Variants in GGA2 observed in about 807,000 individuals in gnomAD.
GGA2 encodes the protein golgi associated, gamma adaptin ear containing, ARF binding protein 2.
Under a neutral mutation model 79.5 loss-of-function variants are expected in GGA2, and 48 were observed. The ratio of observed to expected loss-of-function variants is 0.60; its 90% CI spans 0.48 to 0.77. GGA2 has a LOEUF of 0.77. GGA2 is among the 30% of genes least tolerant of loss of function. The probability of loss-of-function intolerance (pLI) is 0.00; values close to 1 mark genes in which losing one functional copy is unlikely to be tolerated. For synonymous variants in GGA2, 317 were observed against 302.0 expected, an observed-to-expected ratio of 1.05 and a Z score of -0.51; for missense variants, 770 against 774.0, an observed-to-expected ratio of 0.99 and a Z score of 0.06.
At position 23,493,512 on chromosome 16, in the gene GGA2, C is replaced by A. The variant is rs189780538; in HGVS notation, c.253-54G>T. The A allele has an allele frequency of 7.1e-6, 8 of 1,129,620 alleles. No individual in the cohort carries two copies. In the Admixed American group the frequency reaches 1.2e-4, roughly 17 times the overall value. The allele number at this position is 1,129,620 out of a possible 1,614,324, so 70.0% of individuals were successfully genotyped here. On this transcript the variant is annotated intron_variant, in intron 3 of 16. Coordinates refer to ENST00000309859, the MANE Select transcript of GGA2 (RefSeq NM_015044.4). ...GGTGGAAAGCCAGTGGTCCCAGGCT[C>A]CCCTCCAGGCTGGTAATCACTTGCT...
chr16:23,481,404 T>C (rs1964646603), intron 9 of GGA2, among the ~76,000 whole-genome samples: 2 of 151,922 alleles, frequency 1.3e-5, no homozygotes, highest in Non-Finnish European at 2.9e-5. Flanking sequence ...AAACAGAACA[T>C]GAGCAGCATC....
intron 11 of GGA2, 55 bp downstream of exon 11, chr16:23,479,709 TC>T: frequency 6.2e-7 from 1 of 1,600,644 alleles, no homozygotes; most frequent in Non-Finnish European, 8.5e-7. Context: ...GGGAACCAGC[TC>T]ACTCCCCTAC....
At chr16:23,521,896 G>A (rs372037685) in exon 1 of GGA2, 20 of 452,422 alleles carry the variant, frequency 4.4e-5, no homozygotes, top group East Asian at 3.5e-4. Flanking sequence ...CTCTGGATCG[G>A]CACAGATCTG....
upstream of GGA2, among the ~76,000 whole-genome samples, chr16:23,514,144 C>T (rs939243071): frequency 1.3e-5 from 2 of 151,744 alleles, no homozygotes; most frequent in African/African-American, 4.8e-5. Context: ...GAAGTCCTGT[C>T]GCCCAGGCTG....
intron 10 of GGA2, 32 bp from the exon 11 acceptor site, chr16:23,479,919 G>A (rs1964626901): frequency 6.2e-7 from 1 of 1,611,476 alleles, no homozygotes; most frequent in African/African-American, 1.3e-5. Context: ...AGAGAAGTCA[G>A]TTGGACATGA....
intron 5 of GGA2, among the ~76,000 whole-genome samples, chr16:23,491,288 C>G (rs893284589): frequency 1.7e-5 from 2 of 116,444 alleles, no homozygotes; most frequent in Non-Finnish European, 3.3e-5. Context: ...GCCTAGGTAA[C>G]AGGGCAACAC....
chr16:23,478,225 C>CAAAA (rs111229895), intron 13 of GGA2, 143 bp downstream of exon 13: 18 of 470,688 alleles, frequency 3.8e-5, no homozygotes, highest in Admixed American at 8.0e-5. Context: ...GAAAAAAAGA[C>CAAAA]AAAAAAAAAA....
Position 23,464,965 on chromosome 16 carries a change from G to A in GGA2, c.*2625C>T. 1 of 246,294 alleles carries A rather than the reference G, an allele frequency of 4.1e-6. No individual in the cohort carries two copies. Among genetic ancestry groups the A allele is most frequent in the Non-Finnish European group, 8.0e-6 (1 of 125,396 alleles). The allele number at this position is 246,294 out of a possible 1,614,324, so 15.3% of individuals were successfully genotyped here. On this transcript the variant is annotated 3_prime_UTR_variant, in exon 17 of 17. Transcript: ENST00000309859. ...GGAAAACCATCACACTTAAGAGACA[G>A]AGGAAAAAGAGCAGTCACGGAGGTA...
intron 16 of GGA2, 37 bp from the exon 17 acceptor site, chr16:23,467,737 A>C (rs2046837164): frequency 9.9e-7 from 1 of 1,006,626 alleles, no homozygotes; most frequent in South Asian, 1.3e-5. Context: ...AAATCAGTGG[A>C]GAGCAACCCA....
chr16:23,475,442 G>A (rs1964565578), intron 13 of GGA2, among the ~76,000 whole-genome samples: 1 of 151,318 alleles, frequency 6.6e-6, no homozygotes, highest in South Asian at 2.1e-4. Context: ...CGTCCGCCTC[G>A]GCCTCCCAAA....
chr16:23,478,766 A>G (rs780527875), intron 12 of GGA2, 117 bp downstream of exon 12: 1 of 819,282 alleles, frequency 1.2e-6, no homozygotes, highest in Non-Finnish European at 2.1e-6. Context: ...CTCCAAGGCC[A>G]TGATCCCACC....
chr16:23,478,751 T>G, intron 12 of GGA2, 132 bp downstream of exon 12: 2 of 777,604 alleles, frequency 2.6e-6, no homozygotes, highest in Non-Finnish European at 4.6e-6. Flanking sequence ...GAAGAGGCTT[T>G]GGACCTCCAA....
upstream of GGA2, chr16:23,523,331 C>T (rs1159848265): frequency 6.6e-6 from 1 of 152,080 alleles, no homozygotes; most frequent in Non-Finnish European, 1.5e-5. Flanking sequence ...ACTTATAAGT[C>T]ATGGAGGAAG....
At chr16:23,492,981 GGCTGA>G (rs1402073095) in intron 4 of GGA2, among the ~76,000 whole-genome samples, 2 of 152,194 alleles carry the variant, frequency 1.3e-5, no homozygotes, top group Non-Finnish European at 2.9e-5. Flanking sequence ...ACCTGAGACT[GGCTGA>G]GCTAAGACAG....
intron 1 of GGA2, among the ~76,000 whole-genome samples, chr16:23,501,932 GAGA>G (rs1291021859): frequency 4.6e-5 from 7 of 152,246 alleles, no homozygotes; most frequent in East Asian, 1.9e-4. Context: ...AACTCTTGGG[GAGA>G]AGGAGTGTCA....
chr16:23,513,153 C>A (rs1352514727), upstream of GGA2, among the ~76,000 whole-genome samples: 1 of 152,136 alleles, frequency 6.6e-6, no homozygotes, highest in Middle Eastern at 3.2e-3. Flanking sequence ...TTGCCAAGGA[C>A]CATCCTTCAA....
intron 12 of GGA2, 107 bp downstream of exon 12, chr16:23,478,776 C>T (rs746588551): frequency 1.5e-5 from 13 of 842,336 alleles, no homozygotes; most frequent in African/African-American, 3.3e-5. Flanking sequence ...ATGATCCCAC[C>T]GGGACAGTGC....
chr16:23,489,559 T>C (rs1396185673), intron 5 of GGA2, among the ~76,000 whole-genome samples: 1 of 151,852 alleles, frequency 6.6e-6, no homozygotes, highest in Non-Finnish European at 1.5e-5. Flanking sequence ...CCTGAATACA[T>C]CAGAGAGCCC....
At chr16:23,511,623 C>T (rs1249557271), upstream of GGA2, among the ~76,000 whole-genome samples, 1 of 151,994 alleles carries the variant, frequency 6.6e-6, no homozygotes, top group Non-Finnish European at 1.5e-5. Flanking sequence ...ACTAACATGT[C>T]CTGCATTCCT....
Sources: allele counts gnomAD v4.1 joint callset (sites outside exome capture counted in the v4.1 genomes callset), GRCh38; gene constraint gnomAD v4.1.1; transcripts MANE v1.5; gene names NCBI Gene and HGNC (gene_info 2026-07-23, HGNC 2026-07-21).